The following CDK12 variants were observed in gnomAD, a reference collection of about 807,000 sequenced individuals.
The protein encoded by CDK12 is cyclin-dependent kinase 12.
In CDK12, 17 loss-of-function variants were observed where a neutral mutation model predicts 133.8. The ratio of observed to expected loss-of-function variants is 0.13; its 90% CI spans 0.09 to 0.19. The LOEUF is 0.19. CDK12 is among the 10% of genes least tolerant of loss of function. The probability of loss-of-function intolerance (pLI) is 1.00; values close to 1 mark genes in which losing one functional copy is unlikely to be tolerated. For synonymous variants in CDK12, 694 were observed against 683.6 expected (o/e 1.02, Z -0.24); for missense variants, 1,508 against 1,818.7 (o/e 0.83, Z 3.11).
intron 2 of CDK12, among the ~76,000 whole-genome samples, chr17:39,482,015 C>CATTTATTTTTTTTT (rs773073791): frequency 3.1e-4 from 30 of 96,256 alleles, no homozygotes; most frequent in African/African-American, 9.6e-4. Flanking sequence ...CCTGGCTTGC[C>CATTTATTTTTTTTT]TTTTTTTTTT....
intron 5 of CDK12, among the ~76,000 whole-genome samples, chr17:39,498,152 C>G (rs1434801206): frequency 6.6e-6 from 1 of 151,946 alleles, no homozygotes; most frequent in Admixed American, 6.6e-5. Context: ...GACACCACTC[C>G]TGGCTGGTTT....
At chr17:39,502,124 T>C (rs1177338035) in intron 6 of CDK12, among the ~76,000 whole-genome samples, 1 of 151,264 alleles carries the variant, frequency 6.6e-6, no homozygotes, top group African/African-American at 2.4e-5. Context: ...ATTACAGGCA[T>C]GAGCCACCGC....
chr17:39,496,836 G>T (rs2052154352), intron 5 of CDK12, among the ~76,000 whole-genome samples: 1 of 148,518 alleles, frequency 6.7e-6, no homozygotes, highest in African/African-American at 2.5e-5. Context: ...CATATTTAAT[G>T]TCAGATTCCT....
chr17:39,506,356 A>G (rs1290810101), intron 6 of CDK12, among the ~76,000 whole-genome samples: 1 of 151,712 alleles, frequency 6.6e-6, no homozygotes, highest in Non-Finnish European at 1.5e-5. Context: ...TTGGGAATAC[A>G]GGCGCATGCC....
chr17:39,509,784 A>C, intron 7 of CDK12, 23 bp downstream of exon 7: 1 of 1,559,110 alleles, frequency 6.4e-7, no homozygotes, highest in Non-Finnish European at 8.8e-7. Flanking sequence ...TTAAAATTAC[A>C]TGTGGGAAAT....
intron 3 of CDK12, among the ~76,000 whole-genome samples, chr17:39,562,792 G>A (rs1567826719): frequency 6.6e-6 from 1 of 151,446 alleles, no homozygotes. Flanking sequence ...CAAACTTCAG[G>A]CCTGCCTCAG....
intron 3 of CDK12, among the ~76,000 whole-genome samples, chr17:39,564,228 C>A (rs1004218738): frequency 6.6e-6 from 1 of 152,128 alleles, no homozygotes; most frequent in Non-Finnish European, 1.5e-5. Flanking sequence ...TGTGGCACTA[C>A]CCCCCAACCT....
rs958041753 is a variant in CDK12 at position 39,511,765 on chromosome 17, C to T, written c.2768+135C>T. Reference sequence around the variant, plus strand: ...GGCGATAAACTTTTGGCCAGATTTCCGGGAAATCTGTTGAATATTTCTTAA... The same window carrying T: ...GGCGATAAACTTTTGGCCAGATTTCTGGGAAATCTGTTGAATATTTCTTAA... On this transcript the variant is annotated intron_variant, in intron 8 of 13. Transcript: ENST00000447079. 4.5e-5 allele frequency: 20 copies of T among 447,034 alleles called. No homozygotes were observed. In the Admixed American group the frequency reaches 5.6e-4, roughly 12 times the overall value. The allele number at this position is 447,034 out of a possible 1,614,324, so 27.7% of individuals were successfully genotyped here. A position where few individuals can be genotyped will look rare whatever the true frequency, so the allele number is the denominator to read the frequency against.
chr17:39,540,065 C>A lies in CDK12; in HGVS notation c.451-4184C>A, dbSNP rs375894779. Among the ~76,000 whole-genome samples the A allele has an allele frequency of 1.3e-5, 2 of 152,140 alleles. 1 individual carries two copies. Among genetic ancestry groups the A allele is most frequent in the South Asian group, 4.1e-4 (2 of 4,826 alleles). ...TTGTAGCAGTACTTGGTCAAGGAAG[C>A]AGGAAAGTTCACTAAAATATTATTG... is the stretch of plus-strand genomic sequence containing the variant. On this transcript the variant is annotated intron_variant and NMD_transcript_variant, in intron 1 of 4. Transcript: ENST00000559663.
intron 8 of CDK12, among the ~76,000 whole-genome samples, chr17:39,513,411 G>GGTAGC (rs1364647506): frequency 6.6e-6 from 1 of 152,062 alleles, no homozygotes; most frequent in Non-Finnish European, 1.5e-5. Context: ...TAATTTCTGT[G>GGTAGC]GTAGCCTACC....
intron 1 of CDK12, 74 bp downstream of exon 1, chr17:39,463,191 T>A: frequency 7.6e-7 from 1 of 1,315,354 alleles, no homozygotes; most frequent in Non-Finnish European, 1.1e-6. Context: ...GTGTTAACAT[T>A]GTCTGGAAGC....
chr17:39,485,418 T>C, intron 2 of CDK12, among the ~76,000 whole-genome samples: 1 of 145,914 alleles, frequency 6.9e-6, no homozygotes, highest in African/African-American at 2.5e-5. Context: ...CTTTTTTTTT[T>C]TTTTTTTTTT....
chr17:39,484,539 T>A (rs2050966987), intron 2 of CDK12, among the ~76,000 whole-genome samples: 1 of 152,164 alleles, frequency 6.6e-6, no homozygotes, highest in Non-Finnish European at 1.5e-5. Context: ...TCATTAAATT[T>A]TCAAGGTTTT....
intron 10 of CDK12, among the ~76,000 whole-genome samples, chr17:39,517,902 G>A (rs2053911440): frequency 6.6e-6 from 1 of 151,938 alleles, no homozygotes; most frequent in Non-Finnish European, 1.5e-5. Flanking sequence ...GTCCAGGCTG[G>A]AGTGCAGTGG....
chr17:39,482,832 C>T (rs2050823873), intron 2 of CDK12, among the ~76,000 whole-genome samples: 1 of 151,380 alleles, frequency 6.6e-6, no homozygotes, highest in Non-Finnish European at 1.5e-5. Flanking sequence ...TAACTCCTGG[C>T]CTCAAACAAT....
At chr17:39,537,945 T>A (rs2055217586), downstream of CDK12, among the ~76,000 whole-genome samples, 1 of 152,056 alleles carries the variant, frequency 6.6e-6, no homozygotes, top group East Asian at 1.9e-4. Flanking sequence ...ATAGGATAAT[T>A]TTCTTAGAGA....
chr17:39,511,809 T>A (rs914462104), intron 8 of CDK12, among the ~76,000 whole-genome samples, 179 bp downstream of exon 8: 38 of 152,128 alleles, frequency 2.5e-4, no homozygotes, highest in African/African-American at 8.7e-4. Flanking sequence ...ACCCTTTTTT[T>A]AAAAAACAGA....
At chr17:39,493,005 G>A (rs1191670930) in intron 4 of CDK12, 115 bp downstream of exon 4, 2 of 974,484 alleles carry the variant, frequency 2.1e-6, no homozygotes, top group Non-Finnish European at 3.0e-6. Context: ...TTGTTTGTTT[G>A]TTTGTTTTTT....
chr17:39,463,976 G>C (rs1402538180), intron 1 of CDK12, among the ~76,000 whole-genome samples: 2 of 152,078 alleles, frequency 1.3e-5, no homozygotes, highest in East Asian at 3.9e-4. Flanking sequence ...GCTTTAGTTA[G>C]ACCTTTGTGG....
Sources: gnomAD v4.1 joint callset for allele counts (sites outside exome capture counted in the v4.1 genomes callset) on GRCh38, gnomAD v4.1.1 for gene constraint, MANE v1.5 for transcripts, NCBI Gene and HGNC (gene_info 2026-07-23, HGNC 2026-07-21) for gene names.